SLC6A11: variants seen among roughly 807,000 people sequenced by gnomAD.
SLC6A11 encodes the protein solute carrier family 6 member 11.
In SLC6A11, 25 loss-of-function variants were observed where a neutral mutation model predicts 74.8. The ratio of observed to expected loss-of-function variants is 0.33; its 90% CI spans 0.24 to 0.47. The LOEUF is 0.47. Ranked by LOEUF, SLC6A11 falls within the 20% of genes least tolerant of loss-of-function variation. The pLI is 1.00. For missense variants in SLC6A11, 574 were observed against 837.0 expected, an observed-to-expected ratio of 0.69 and a Z score of 3.88; for synonymous variants, 330 against 330.2, an observed-to-expected ratio of 1.00 and a Z score of 0.01.
intron 6 of SLC6A11, among the ~76,000 whole-genome samples, chr3:10,901,800 G>A (rs938745533): frequency 6.6e-6 from 1 of 152,206 alleles, no homozygotes; most frequent in Non-Finnish European, 1.5e-5. Flanking sequence ...AGGAGCAAGG[G>A]CGCCTAGCAA....
At chr3:10,841,739 A>G (rs2106583914) in intron 4 of SLC6A11, among the ~76,000 whole-genome samples, 1 of 152,342 alleles carries the variant, frequency 6.6e-6, no homozygotes, top group Non-Finnish European at 1.5e-5. Context: ...CTCTGTCCCT[A>G]AGTGGGTTCC....
chr3:10,893,890 A>G (rs1479687095), intron 6 of SLC6A11, among the ~76,000 whole-genome samples: 2 of 152,196 alleles, frequency 1.3e-5, no homozygotes, highest in Non-Finnish European at 2.9e-5. Flanking sequence ...GTACGTTGGC[A>G]TTGATGTCTG....
chr3:10,917,510 A>G (rs1222815114), intron 7 of SLC6A11, among the ~76,000 whole-genome samples: 1 of 152,202 alleles, frequency 6.6e-6, no homozygotes, highest in Admixed American at 6.5e-5. Flanking sequence ...CAGGCACTAC[A>G]GTGGTTGAAA....
At chr3:10,937,680 G>A (rs781636604) in intron 13 of SLC6A11, among the ~76,000 whole-genome samples, 1 of 152,212 alleles carries the variant, frequency 6.6e-6, no homozygotes, top group African/African-American at 2.4e-5. Flanking sequence ...GCCAGCTGGT[G>A]CGGGCTGCTT....
intron 6 of SLC6A11, among the ~76,000 whole-genome samples, chr3:10,884,183 T>G (rs1236945054): frequency 6.6e-6 from 1 of 152,230 alleles, no homozygotes; most frequent in African/African-American, 2.4e-5. Context: ...ATTCTTTTCT[T>G]GTTTCATTCC....
chr3:10,927,217 G>A (rs748430084), intron 9 of SLC6A11, among the ~76,000 whole-genome samples: 1 of 152,156 alleles, frequency 6.6e-6, no homozygotes, highest in Non-Finnish European at 1.5e-5. Flanking sequence ...TGTTGCTGTT[G>A]CGGGCAGAGG....
intron 5 of SLC6A11, among the ~76,000 whole-genome samples, chr3:10,860,381 T>A (rs969043602): frequency 6.6e-6 from 1 of 152,212 alleles, no homozygotes; most frequent in Non-Finnish European, 1.5e-5. Flanking sequence ...GAACCATTTT[T>A]AAAACATGTT....
intron 5 of SLC6A11, among the ~76,000 whole-genome samples, chr3:10,864,076 A>C (rs935790975): frequency 5.9e-5 from 9 of 151,984 alleles, no homozygotes; most frequent in Admixed American, 4.6e-4. Context: ...ATTATTAGCT[A>C]TCTTCTGATC....
Position 10,904,504 on chromosome 3 carries a change from G to A in SLC6A11, c.892-7586G>A, listed in dbSNP as rs574464661. Among the ~76,000 whole-genome samples the A allele has an allele frequency of 4.6e-5, 7 of 152,292 alleles. No individual in the cohort carries two copies. In the South Asian group the frequency reaches 1.5e-3, roughly 32 times the overall value. ...CCCATTCATTGCTGCAGAACATGGG[G>A]AGTGATCCCTTTCTCAGCTACTGAC... On this transcript the variant is annotated intron_variant, in intron 6 of 13. Transcript: ENST00000254488.
intron 12 of SLC6A11, 91 bp downstream of exon 12, chr3:10,934,257 G>A (rs780045308): frequency 2.4e-5 from 21 of 881,208 alleles, no homozygotes; most frequent in Admixed American, 1.5e-4. Flanking sequence ...CACCCTGGCC[G>A]AGGCTGGACC....
intron 4 of SLC6A11, among the ~76,000 whole-genome samples, chr3:10,835,060 C>T (rs894892700): frequency 6.6e-6 from 1 of 152,202 alleles, no homozygotes; most frequent in Non-Finnish European, 1.5e-5. Context: ...TCCTGATGCT[C>T]TCGCGCCTAT....
intron 6 of SLC6A11, among the ~76,000 whole-genome samples, chr3:10,892,590 T>C (rs556553329): frequency 8.5e-4 from 129 of 150,896 alleles, no homozygotes; most frequent in Admixed American, 1.6e-3. Flanking sequence ...TTTTTTGCTA[T>C]CAGTAATCCC....
At chr3:10,838,541 G>A (rs1694396621) in intron 4 of SLC6A11, among the ~76,000 whole-genome samples, 1 of 152,164 alleles carries the variant, frequency 6.6e-6, no homozygotes, top group South Asian at 2.1e-4. Context: ...TTGAGGTCAG[G>A]AGTTCAAGAC....
chr3:10,837,397 T>G (rs1251690483), intron 4 of SLC6A11, among the ~76,000 whole-genome samples: 2 of 152,162 alleles, frequency 1.3e-5, no homozygotes, highest in African/African-American at 4.8e-5. Flanking sequence ...CTGGCTCCAC[T>G]GACACTCATA....
At chr3:10,902,584 G>C (rs1695253693) in intron 6 of SLC6A11, among the ~76,000 whole-genome samples, 1 of 152,246 alleles carries the variant, frequency 6.6e-6, no homozygotes, top group South Asian at 2.1e-4. Context: ...CAAGGAAGTT[G>C]AGGTTCAAAG....
intron 7 of SLC6A11, among the ~76,000 whole-genome samples, chr3:10,917,037 A>C (rs921907465): frequency 2.6e-5 from 4 of 152,294 alleles, no homozygotes; most frequent in Non-Finnish European, 5.9e-5. Flanking sequence ...TGTTGTTGAG[A>C]ATAGTTCTGG....
At chr3:10,890,936 T>C (rs1330246376) in intron 6 of SLC6A11, among the ~76,000 whole-genome samples, 1 of 152,230 alleles carries the variant, frequency 6.6e-6, no homozygotes, top group African/African-American at 2.4e-5. Flanking sequence ...GCAAGAGCAG[T>C]GTGTAATCAT....
intron 6 of SLC6A11, among the ~76,000 whole-genome samples, chr3:10,911,081 C>T (rs1278607438): frequency 6.6e-6 from 1 of 152,228 alleles, no homozygotes; most frequent in African/African-American, 2.4e-5. Flanking sequence ...ACCTCAGCTT[C>T]CCAAAGTGCT....
chr3:10,874,907 TA>T, intron 5 of SLC6A11, 53 bp from the exon 6 acceptor site: 1 of 1,532,968 alleles, frequency 6.5e-7, no homozygotes, highest in Non-Finnish European at 8.9e-7. Context: ...CTGAGTGAAG[TA>T]ACCCCATTGC....
Sources: allele counts gnomAD v4.1 joint callset (sites outside exome capture counted in the v4.1 genomes callset), GRCh38; gene constraint gnomAD v4.1.1; transcripts MANE v1.5; gene names NCBI Gene and HGNC (gene_info 2026-07-23, HGNC 2026-07-21).